DNAAF9: variants seen among roughly 807,000 people sequenced by gnomAD.
DNAAF9 encodes shulin.
In DNAAF9, 90 loss-of-function variants were observed where a neutral mutation model predicts 167.0. That is an observed-to-expected ratio of 0.54 (90% CI 0.45 to 0.64). The LOEUF (loss-of-function observed/expected upper bound fraction) is 0.64, where lower values mean the gene tolerates loss of function less well. DNAAF9 is among the 30% of genes least tolerant of loss of function. The pLI is 0.00. For missense variants in DNAAF9, 1,315 were observed against 1,442.2 expected, an observed-to-expected ratio of 0.91 and a Z score of 1.43; for synonymous variants, 491 against 508.8, an observed-to-expected ratio of 0.96 and a Z score of 0.47.
chr20:3,378,968 G>T (rs76791221), intron 3 of DNAAF9, among the ~76,000 whole-genome samples: 2,421 of 151,604 alleles, frequency 0.016, 76 homozygotes, highest in Non-Finnish European at 0.023. Flanking sequence ...GGTAGCAAAA[G>T]GTGGAATGGA....
At chr20:3,354,678 T>A (rs2083261316) in intron 7 of DNAAF9, among the ~76,000 whole-genome samples, 1 of 152,222 alleles carries the variant, frequency 6.6e-6, no homozygotes, top group African/African-American at 2.4e-5. Context: ...AATCTCTGAT[T>A]ACCACACATG....
At chr20:3,294,716 G>A (rs2069033448) in intron 23 of DNAAF9, 87 bp from the exon 24 acceptor site, 4 of 832,814 alleles carry the variant, frequency 4.8e-6, no homozygotes, top group African/African-American at 3.4e-5. Context: ...TTTCAAGCCA[G>A]AGTCCAATGA....
intron 20 of DNAAF9, among the ~76,000 whole-genome samples, chr20:3,306,357 C>T (rs554229558): frequency 1.6e-4 from 25 of 152,340 alleles, no homozygotes; most frequent in African/African-American, 4.6e-4. Context: ...TTCTCATCCA[C>T]ATCAAGGGCA....
intron 20 of DNAAF9, chr20:3,306,918 C>A: frequency 5.1e-6 from 5 of 985,342 alleles, no homozygotes; most frequent in Non-Finnish European, 6.0e-6. Flanking sequence ...ATAGGTGTCA[C>A]GAGGTAGAAA....
chr20:3,365,663 A>G (rs1161590357), intron 6 of DNAAF9, among the ~76,000 whole-genome samples: 1 of 152,212 alleles, frequency 6.6e-6, no homozygotes. Flanking sequence ...AAGTGCTGGG[A>G]TTACAGGCAT....
At chr20:3,395,631 A>G (rs986180783) in intron 1 of DNAAF9, among the ~76,000 whole-genome samples, 3 of 152,184 alleles carry the variant, frequency 2.0e-5, no homozygotes, top group Admixed American at 6.5e-5. Flanking sequence ...CAAGTTCCAT[A>G]AACTCTTCTG....
chr20:3,264,866 C>A (rs899571308), intron 30 of DNAAF9, among the ~76,000 whole-genome samples: 2 of 152,216 alleles, frequency 1.3e-5, no homozygotes, highest in East Asian at 1.9e-4. Flanking sequence ...CCGAGCCCGG[C>A]CAGGACTGAC....
At chr20:3,271,623 TTC>T (rs201263641) in intron 29 of DNAAF9, among the ~76,000 whole-genome samples, 19 of 148,480 alleles carry the variant, frequency 1.3e-4, no homozygotes, top group Admixed American at 2.7e-4. Flanking sequence ...TATTTACTTC[TTC>T]TTTTTTTTTT....
At chr20:3,273,080 C>T (rs2068621739) in intron 29 of DNAAF9, among the ~76,000 whole-genome samples, 1 of 152,190 alleles carries the variant, frequency 6.6e-6, no homozygotes, top group Non-Finnish European at 1.5e-5. Context: ...ATCCACCCGC[C>T]TCGGCCTCCC....
At chr20:3,296,069 G>A (rs531026830) in intron 23 of DNAAF9, 1 of 764,304 alleles carries the variant, frequency 1.3e-6, no homozygotes, top group East Asian at 2.7e-5. Context: ...TGGAGTTACT[G>A]TTAGCTGAGA....
At chr20:3,317,344 G>T (rs2069520997) in intron 17 of DNAAF9, among the ~76,000 whole-genome samples, 2 of 123,310 alleles carry the variant, frequency 1.6e-5, no homozygotes, top group Non-Finnish European at 1.6e-5. Flanking sequence ...CTGGGTGACA[G>T]AGCAAGACCT....
In DNAAF9 at chr20:3,295,317, T is replaced by C. The variant is rs12053632; in HGVS notation, c.2019-688A>G. Reference sequence around the variant, plus strand: ...CCTCCAGCCTCCCCAGTAGCTGGGATTACAGGCGCATATCACCATGCCCGG... The same window carrying C: ...CCTCCAGCCTCCCCAGTAGCTGGGACTACAGGCGCATATCACCATGCCCGG... On this transcript the variant is annotated intron_variant, in intron 23 of 36. Transcript: ENST00000252032. Among the ~76,000 whole-genome samples, 117 of 152,116 alleles carry C rather than the reference T, an allele frequency of 7.7e-4. 2 individuals are homozygous for C. In the East Asian group the frequency reaches 0.022, roughly 29 times the overall value.
chr20:3,276,668 T>C (rs2068680125), intron 29 of DNAAF9, among the ~76,000 whole-genome samples: 1 of 152,088 alleles, frequency 6.6e-6, no homozygotes, highest in Non-Finnish European at 1.5e-5. Context: ...TTGTTCCTCA[T>C]GCAAAAAAGA....
intron 26 of DNAAF9, among the ~76,000 whole-genome samples, chr20:3,288,743 A>C (rs2068897264): frequency 6.6e-6 from 1 of 152,188 alleles, no homozygotes; most frequent in African/African-American, 2.4e-5. Flanking sequence ...TTGTTTGGTA[A>C]TCTGACAGCC....
At chr20:3,264,933 G>GT (rs1383839920) in intron 30 of DNAAF9, among the ~76,000 whole-genome samples, 4 of 151,900 alleles carry the variant, frequency 2.6e-5, no homozygotes, top group Non-Finnish European at 5.9e-5. Flanking sequence ...AAGCATTTTT[G>GT]TTTTTTTCTG....
At chr20:3,274,546 G>A (rs1298675415) in intron 29 of DNAAF9, among the ~76,000 whole-genome samples, 1 of 152,124 alleles carries the variant, frequency 6.6e-6, no homozygotes, top group Non-Finnish European at 1.5e-5. Context: ...TTTGAGTTCC[G>A]CTAATTACTA....
chr20:3,308,862 C>T (rs2069352764), intron 20 of DNAAF9, among the ~76,000 whole-genome samples: 1 of 151,910 alleles, frequency 6.6e-6, no homozygotes, highest in Admixed American at 6.6e-5. Context: ...GCCCACATGA[C>T]TCCTCCTCCA....
At chr20:3,320,522 G>C (rs1167418665) in intron 16 of DNAAF9, among the ~76,000 whole-genome samples, 1 of 152,174 alleles carries the variant, frequency 6.6e-6, no homozygotes, top group Non-Finnish European at 1.5e-5. Context: ...AGAGTCTAAG[G>C]AGAGAAGTCA....
At chr20:3,316,194 T>C (rs1489536271) in intron 18 of DNAAF9, 1 of 218,998 alleles carries the variant, frequency 4.6e-6, no homozygotes, top group African/African-American at 2.3e-5. Context: ...AGAAGCAGAA[T>C]GTGAGCACTC....
Sources: gnomAD v4.1 joint callset for allele counts (sites outside exome capture counted in the v4.1 genomes callset) on GRCh38, gnomAD v4.1.1 for gene constraint, MANE v1.5 for transcripts, NCBI Gene and HGNC (gene_info 2026-07-23, HGNC 2026-07-21) for gene names.